The following TGFBR3 variants were observed in gnomAD, a reference collection of about 807,000 sequenced individuals.
TGFBR3 encodes transforming growth factor beta receptor 3.
TGFBR3 carries 46 observed loss-of-function variants against 87.9 expected under a neutral mutation model. The observed-to-expected ratio is 0.52, with a 90% confidence interval of 0.41 to 0.67. The LOEUF (loss-of-function observed/expected upper bound fraction) is 0.67, where lower values mean the gene tolerates loss of function less well. Among genes scored for constraint, TGFBR3 ranks in the 30% least tolerant of loss-of-function variants. The probability of loss-of-function intolerance (pLI) is 0.00; values close to 1 mark genes in which losing one functional copy is unlikely to be tolerated. For synonymous variants in TGFBR3, 381 were observed against 391.6 expected, an observed-to-expected ratio of 0.97 and a Z score of 0.32; for missense variants, 866 against 1,041.9, an observed-to-expected ratio of 0.83 and a Z score of 2.32.
At chr1:91,851,125 C>T (rs2799523) in intron 2 of TGFBR3, among the ~76,000 whole-genome samples, 18,732 of 152,082 alleles carry the variant, frequency 0.12, 1,497 homozygotes, top group East Asian at 0.4. Context: ...AAATTTTCCA[C>T]ATTACACTGT....
intron 7 of TGFBR3, among the ~76,000 whole-genome samples, chr1:91,726,895 A>G (rs1672569123): frequency 6.6e-6 from 1 of 152,130 alleles, no homozygotes. Flanking sequence ...TTAACTTTCA[A>G]TATAATTCAG....
At chr1:91,694,816 A>C (rs1671375738) in intron 16 of TGFBR3, among the ~76,000 whole-genome samples, 1 of 152,214 alleles carries the variant, frequency 6.6e-6, no homozygotes, top group Admixed American at 6.5e-5. Context: ...TCCAAGAACA[A>C]ACAAGAACAA....
At chr1:91,766,198 C>CTTTTTTTTTTTTTTT (rs749978314) in intron 3 of TGFBR3, among the ~76,000 whole-genome samples, 1 of 114,456 alleles carries the variant, frequency 8.7e-6, no homozygotes, top group Admixed American at 1.1e-4. Context: ...AGTTTGTTTT[C>CTTTTTTTTTTTTTTT]TTTTTTTTTT....
intron 4 of TGFBR3, among the ~76,000 whole-genome samples, chr1:91,736,633 T>A (rs1226915423): frequency 1.3e-5 from 2 of 152,098 alleles, no homozygotes; most frequent in Non-Finnish European, 2.9e-5. Context: ...AAGTGTAACT[T>A]CTCTGAGGCT....
chr1:91,824,969 TAAC>T (rs995806252), intron 2 of TGFBR3, among the ~76,000 whole-genome samples: 5 of 152,062 alleles, frequency 3.3e-5, no homozygotes, highest in East Asian at 1.9e-4. Context: ...CAAAAAATAA[TAAC>T]AATAATAATG....
intron 2 of TGFBR3, among the ~76,000 whole-genome samples, chr1:91,851,026 C>T (rs1345850570): frequency 6.6e-6 from 1 of 152,170 alleles, no homozygotes; most frequent in Non-Finnish European, 1.5e-5. Context: ...AGACCTTTTC[C>T]TTTTGCCATA....
chr1:91,742,926 A>G (rs940365284), intron 4 of TGFBR3, among the ~76,000 whole-genome samples: 2 of 152,230 alleles, frequency 1.3e-5, no homozygotes, highest in Non-Finnish European at 2.9e-5. Flanking sequence ...ACGGCTAGGC[A>G]ACCACAGCCA....
chr1:91,788,389 G>A (rs925144476), intron 3 of TGFBR3, among the ~76,000 whole-genome samples: 9 of 152,204 alleles, frequency 5.9e-5, no homozygotes, highest in Admixed American at 4.6e-4. Context: ...CATTCCAGTG[G>A]AGCAGGGGAA....
At chr1:91,822,308 A>G (rs1037495015) in intron 2 of TGFBR3, among the ~76,000 whole-genome samples, 1 of 150,936 alleles carries the variant, frequency 6.6e-6, no homozygotes, top group Non-Finnish European at 1.5e-5. Flanking sequence ...AAAAAAAAAA[A>G]AAAAAAAAAA....
At chr1:91,722,218 TTAAA>T in intron 7 of TGFBR3, 74 bp from the exon 8 acceptor site, 1 of 1,178,254 alleles carries the variant, frequency 8.5e-7, no homozygotes, top group Admixed American at 2.0e-5. Context: ...ATTAAATATC[TTAAA>T]TAAGTAGATT....
chr1:91,696,375 C>A (rs1294509870), intron 15 of TGFBR3, among the ~76,000 whole-genome samples: 1 of 152,202 alleles, frequency 6.6e-6, no homozygotes, highest in Non-Finnish European at 1.5e-5. Context: ...AACTCTTAAT[C>A]TTAACAGCTT....
rs11466601 is a variant in TGFBR3, at chr1:91,712,122, AAT to A, written c.2166+119_2166+120del. Reference sequence around the variant, plus strand: ...ACAGTTCCCTGCTAATAGTGACTTTAATATTTCAGTTGGGCAGTTCCAAAACA... The same window carrying A: ...ACAGTTCCCTGCTAATAGTGACTTTAATTTCAGTTGGGCAGTTCCAAAACA... On this transcript the variant is annotated intron_variant, in intron 13 of 16. Transcript: ENST00000212355. 0.011 allele frequency: 9,705 copies of A among 845,894 alleles called. 638 individuals are homozygous for A. The African/African-American group carries it at 0.14, about 12-fold the overall frequency. The allele number at this position is 845,894 out of a possible 1,614,324, so 52.4% of individuals were successfully genotyped here.
chr1:91,800,381 C>T (rs1270639628), intron 2 of TGFBR3, among the ~76,000 whole-genome samples: 3 of 149,270 alleles, frequency 2.0e-5, no homozygotes, highest in African/African-American at 7.5e-5. Context: ...TGGTGGTGCA[C>T]ACCTGTAGTC....
chr1:91,702,037 G>T (rs534595964), intron 14 of TGFBR3, among the ~76,000 whole-genome samples: 1 of 152,268 alleles, frequency 6.6e-6, no homozygotes, highest in African/African-American at 2.4e-5. Flanking sequence ...GAGACATTTT[G>T]AATGGTTACA....
intron 4 of TGFBR3, among the ~76,000 whole-genome samples, chr1:91,748,369 G>A (rs2100863330): frequency 6.6e-6 from 1 of 152,254 alleles, no homozygotes; most frequent in South Asian, 2.1e-4. Context: ...TAGATATTAG[G>A]GCATCCTGGT....
At chr1:91,846,245 G>A (rs1277171871) in intron 2 of TGFBR3, among the ~76,000 whole-genome samples, 2 of 152,214 alleles carry the variant, frequency 1.3e-5, no homozygotes, top group African/African-American at 4.8e-5. Flanking sequence ...CAGGCATTAG[G>A]TTTTTCAGCA....
At chr1:91,902,268 C>CTTTTTT (rs141866290) in intron 1 of TGFBR3, among the ~76,000 whole-genome samples, 3 of 125,206 alleles carry the variant, frequency 2.4e-5, no homozygotes, top group Non-Finnish European at 3.5e-5. Context: ...CTTTCCTTTT[C>CTTTTTT]TTTTGTGTGT....
intron 16 of TGFBR3, among the ~76,000 whole-genome samples, chr1:91,692,156 G>A (rs924338051): frequency 1.3e-5 from 2 of 152,216 alleles, no homozygotes; most frequent in Non-Finnish European, 2.9e-5. Flanking sequence ...AATGTAAACA[G>A]TAAATGCTGC....
chr1:91,877,514 G>C (rs1184995571), intron 1 of TGFBR3, among the ~76,000 whole-genome samples: 1 of 151,988 alleles, frequency 6.6e-6, no homozygotes. Flanking sequence ...ACATTTTCAG[G>C]AATTTAGTAG....
Sources: gnomAD v4.1 joint callset for allele counts (sites outside exome capture counted in the v4.1 genomes callset) on GRCh38, gnomAD v4.1.1 for gene constraint, MANE v1.5 for transcripts, NCBI Gene and HGNC (gene_info 2026-07-23, HGNC 2026-07-21) for gene names.